CDK19: variants seen among roughly 807,000 people sequenced by gnomAD.
CDK19 encodes the protein cyclin-dependent kinase 19.
Under a neutral mutation model 68.3 loss-of-function variants are expected in CDK19, and 20 were observed. The ratio of observed to expected loss-of-function variants is 0.29; its 90% CI spans 0.21 to 0.43. The LOEUF (loss-of-function observed/expected upper bound fraction) is 0.43. Ranked by LOEUF, CDK19 falls within the 20% of genes least tolerant of loss-of-function variation. CDK19 has a pLI of 1.00. For synonymous variants in CDK19, 221 were observed against 222.8 expected (o/e 0.99, Z 0.07); for missense variants, 339 against 623.5 (o/e 0.54, Z 4.86).
Position 110,776,408 on chromosome 6 carries a change from AAC to A in CDK19, c.129-30209_129-30208del, listed in dbSNP as rs569099305. 2.8e-3 allele frequency among the ~76,000 whole-genome samples: 424 copies of A among 151,610 alleles called. 3 individuals carry two copies. The highest frequency in any genetic ancestry group is 4.8e-3 in the South Asian group (23 of 4,760). ...CGTGCCACTGCACTCCAGCCTGGGCAACAAGACTGAAACTCTGTCTCAAAAAA... is the reference window on the plus strand; with the variant it reads ...CGTGCCACTGCACTCCAGCCTGGGCAAAGACTGAAACTCTGTCTCAAAAAA... On this transcript the variant is annotated intron_variant, in intron 1 of 12. Transcript: ENST00000368911.
intron 1 of CDK19, among the ~76,000 whole-genome samples, chr6:110,790,661 G>A (rs1210350538): frequency 1.3e-5 from 2 of 152,060 alleles, no homozygotes; most frequent in East Asian, 1.9e-4. Flanking sequence ...TAATTATCAT[G>A]ACAAATTAAA....
chr6:110,685,301 A>G (rs1275912850), intron 2 of CDK19, among the ~76,000 whole-genome samples: 1 of 152,202 alleles, frequency 6.6e-6, no homozygotes, highest in South Asian at 2.1e-4. Context: ...GTACAGAAAC[A>G]TATTTCCTAT....
chr6:110,705,501 T>C (rs529908607), intron 2 of CDK19, among the ~76,000 whole-genome samples: 1 of 151,972 alleles, frequency 6.6e-6, no homozygotes, highest in African/African-American at 2.4e-5. Flanking sequence ...CCCAGAAGCA[T>C]TGTAAGGGAG....
At chr6:110,782,281 C>T (rs1780876860) in intron 1 of CDK19, among the ~76,000 whole-genome samples, 1 of 152,128 alleles carries the variant, frequency 6.6e-6, no homozygotes, top group African/African-American at 2.4e-5. Flanking sequence ...CAGTTTGGTC[C>T]CAGGTTCTGG....
Position 110,815,092 on chromosome 6 carries a change from C to T in CDK19, c.45G>A (p.Arg15=). 2 of 1,603,156 alleles carry T rather than the reference C, an allele frequency of 1.2e-6. No individual in the cohort carries two copies. Among genetic ancestry groups the T allele is most frequent in the Non-Finnish European group, 1.7e-6 (2 of 1,175,840 alleles). ...CTTCGTACTCAAACAAATCCTCCAC[C>T]CGCTCCCGCTCCGCCGCCAGCTTCG... ...FKAKLAAERE[R]VEDLFEYEGC... is the part of the protein sequence containing the mutation. The change falls in exon 1 of 13, where the codon CGG becomes CGA. Residue 15 remains arginine, a synonymous_variant. Coordinates refer to ENST00000368911, the MANE Select transcript of CDK19 (RefSeq NM_015076.5).
chr6:110,679,040 G>C (rs1200510690), intron 2 of CDK19, among the ~76,000 whole-genome samples: 1 of 152,174 alleles, frequency 6.6e-6, no homozygotes, highest in Non-Finnish European at 1.5e-5. Context: ...TGGATGTAGT[G>C]GCTCACACTT....
At chr6:110,624,621 C>G (rs1778970668) in intron 8 of CDK19, among the ~76,000 whole-genome samples, 1 of 152,116 alleles carries the variant, frequency 6.6e-6, no homozygotes, top group African/African-American at 2.4e-5. Context: ...AAATTGGAAT[C>G]CTACTAAAAA....
chr6:110,706,999 TA>T lies in CDK19; in HGVS notation c.205-36459del, dbSNP rs35488029. 0.023 allele frequency: 3,034 copies of T among 132,128 alleles called. 291 individuals carry two copies. The East Asian group carries it at 0.35, about 15-fold the overall frequency. 8.2% of individuals were successfully genotyped at this position (132,128 alleles called of 1,614,324 possible). The stretch of plus-strand genomic sequence containing the variant: ...TATTTTTACATCTCTCTTTTACAGT[TA>T]AAAAAAAAAAAAAAAAAACTGAGAA... On this transcript the variant is annotated intron_variant, in intron 2 of 12. Coordinates refer to ENST00000368911, the MANE Select transcript of CDK19 (RefSeq NM_015076.5).
intron 1 of CDK19, among the ~76,000 whole-genome samples, chr6:110,753,806 G>A (rs956169088): frequency 1.3e-5 from 2 of 151,892 alleles, no homozygotes; most frequent in African/African-American, 2.4e-5. Flanking sequence ...ACAATTTACT[G>A]AATTGAATTT....
At chr6:110,639,789 G>A (rs1054658013) in intron 4 of CDK19, among the ~76,000 whole-genome samples, 4 of 152,214 alleles carry the variant, frequency 2.6e-5, no homozygotes, top group Non-Finnish European at 5.9e-5. Flanking sequence ...GCTCACTGGG[G>A]ATGGAAGTGG....
Position 110,612,573 on chromosome 6 carries a change from C to T in CDK19, c.*1962G>A, listed in dbSNP as rs1455116138. On this transcript the variant is annotated 3_prime_UTR_variant, in exon 13 of 13. Coordinates refer to ENST00000368911, the MANE Select transcript of CDK19 (RefSeq NM_015076.5). ...TATGCCCTGTCCTCTGTGTTCTCTA[C>T]CCAGCAGGGCACCAGGCACATGGTG... The T allele has an allele frequency of 6.6e-6, 1 of 152,264 alleles. No homozygotes were observed. Among genetic ancestry groups the T allele is most frequent in the Non-Finnish European group, 1.5e-5 (1 of 68,064 alleles). 9.4% of individuals were successfully genotyped at this position (152,264 alleles called of 1,614,324 possible).
intron 1 of CDK19, among the ~76,000 whole-genome samples, chr6:110,776,837 A>G (rs1032897605): frequency 3.3e-5 from 5 of 152,260 alleles, no homozygotes; most frequent in Non-Finnish European, 7.3e-5. Flanking sequence ...AAAGCCTTAC[A>G]TAGAATGTTT....
intron 2 of CDK19, among the ~76,000 whole-genome samples, chr6:110,731,953 G>C (rs1160698423): frequency 6.6e-6 from 1 of 152,098 alleles, no homozygotes. Context: ...AAAGGTGATA[G>C]TACTATTATA....
chr6:110,693,442 G>A (rs958937657), intron 2 of CDK19, among the ~76,000 whole-genome samples: 4 of 152,202 alleles, frequency 2.6e-5, no homozygotes, highest in Non-Finnish European at 2.9e-5. Context: ...CCCGGTCTCC[G>A]GCAGGTGGGA....
intron 2 of CDK19, among the ~76,000 whole-genome samples, chr6:110,683,212 G>A (rs1249298062): frequency 6.7e-6 from 1 of 150,014 alleles, no homozygotes; most frequent in Non-Finnish European, 1.5e-5. Flanking sequence ...ATAGCACGAT[G>A]CTTGGAACGA....
chr6:110,714,616 T>C (rs192702018), intron 2 of CDK19, among the ~76,000 whole-genome samples: 15 of 152,296 alleles, frequency 9.8e-5, no homozygotes, highest in Admixed American at 7.8e-4. Context: ...TGAAGTAGTA[T>C]CTTGTGGCTT....
chr6:110,670,498 T>C lies in CDK19; in HGVS notation c.248A>G (p.Lys83Arg), dbSNP rs1334230328. The C allele has an allele frequency of 3.7e-6, 6 of 1,613,294 alleles. No homozygotes were observed. Among genetic ancestry groups the C allele is most frequent in the Non-Finnish European group, 5.1e-6 (6 of 1,179,348 alleles). ...CCTGTCACTGTGAGAAAGGAACACC[T>C]TCTGCAATGCAATCACATTAGGGTG... is the stretch of plus-strand genomic sequence containing the variant. ...LKHPNVIALQ[K>R]VFLSHSDRKV... Residue 83 changes from lysine to arginine, a missense_variant, in exon 3 of 13, where the codon AAG (lysine) becomes AGG (arginine). Physicochemically the swap from Lys to Arg is conservative, Grantham distance 26 (BLOSUM62 2). Coordinates refer to ENST00000368911, the MANE Select transcript of CDK19 (RefSeq NM_015076.5).
chr6:110,645,997 TG>T, intron 4 of CDK19: 1 of 1,118,988 alleles, frequency 8.9e-7, no homozygotes, highest in African/African-American at 1.5e-5. Flanking sequence ...TTCAAGTATC[TG>T]GGCAAGCAGG....
intron 2 of CDK19, among the ~76,000 whole-genome samples, chr6:110,725,857 T>C (rs982337251): frequency 4.6e-5 from 7 of 152,236 alleles, no homozygotes; most frequent in Non-Finnish European, 8.8e-5. Flanking sequence ...AAACACACTT[T>C]ATTTACATCA....
Sources: gnomAD v4.1 joint callset for allele counts (sites outside exome capture counted in the v4.1 genomes callset) on GRCh38, gnomAD v4.1.1 for gene constraint, MANE v1.5 for transcripts, NCBI Gene and HGNC (gene_info 2026-07-23, HGNC 2026-07-21) for gene names.